The following LYPLA1 variants were observed in gnomAD, a reference collection of about 807,000 sequenced individuals.
The protein encoded by LYPLA1 is lysophospholipase 1, also known as acyl-protein thioesterase 1.
A neutral mutation model predicts 34.0 loss-of-function variants in LYPLA1; 17 were observed. That is an observed-to-expected ratio of 0.50 (90% CI 0.34 to 0.75). The LOEUF (loss-of-function observed/expected upper bound fraction) is 0.75, where lower values mean the gene tolerates loss of function less well. Ranked by LOEUF, LYPLA1 falls within the 30% of genes least tolerant of loss-of-function variation. LYPLA1 has a pLI of 0.01. For missense variants in LYPLA1, 203 were observed against 288.8 expected, an observed-to-expected ratio of 0.70 and a Z score of 2.15; for synonymous variants, 98 against 100.8, an observed-to-expected ratio of 0.97 and a Z score of 0.17.
Position 54,051,168 on chromosome 8 carries a change from A to C in LYPLA1, c.483T>G (p.Asn161Lys). ...GGCACTGGAGAATAGAAATATCTCT[A>C]TTAGCACCACCGATAGGACCCTGCA... is the stretch of plus-strand genomic sequence containing the variant. ...SFPQGPIGGA[N>K]RDISILQCHG... Residue 161 changes from asparagine to lysine, a missense_variant, in exon 8 of 9, where the codon AAT becomes AAG. By Grantham distance (94) the Asn-to-Lys change is moderately conservative. Around this residue, in one of 3 missense-constraint regions of LYPLA1, gnomAD observed 123 missense variants for 199.2 expected, o/e 0.62. Coordinates refer to ENST00000316963, the MANE Select transcript of LYPLA1 (RefSeq NM_006330.4). 1 of 1,613,032 alleles carries C rather than the reference A, an allele frequency of 6.2e-7. No homozygotes were observed. Among genetic ancestry groups the C allele is most frequent in the Non-Finnish European group, 8.5e-7 (1 of 1,179,378 alleles).
chr8:54,089,664 G>A lies in LYPLA1; in HGVS notation c.101+11244C>T, dbSNP rs565107345. Among the ~76,000 whole-genome samples, 20 of 150,436 alleles carry A rather than the reference G, an allele frequency of 1.3e-4. No homozygotes were observed. The South Asian group carries it at 1.5e-3, about 11-fold the overall frequency. On this transcript the variant is annotated intron_variant, in intron 2 of 8. Transcript: ENST00000316963. ...TTTTGAGATAGGGTCTCACTGTTGC[G>A]CAAGCTGGAAGTGCAGTGGCATCAT...
chr8:54,066,820 T>C (rs1219350817), intron 2 of LYPLA1, among the ~76,000 whole-genome samples: 1 of 150,326 alleles, frequency 6.7e-6, no homozygotes, highest in African/African-American at 2.4e-5. Context: ...GAAAAAAGCC[T>C]CAGATAAATA....
At position 54,055,148 on chromosome 8, in the gene LYPLA1, AAAGTTAGTCAGC is replaced by A; in HGVS notation, c.287-27_287-16del. The stretch of plus-strand genomic sequence containing the variant: ...CAAAGCTTTTACTAAAAACAACATG[AAAGTTAGTCAGC>A]AATACTTTCAGAGTTAAGCCCACTG... On this transcript the variant is annotated splice_polypyrimidine_tract_variant and intron_variant, in intron 5 of 8. Coordinates refer to ENST00000316963, the MANE Select transcript of LYPLA1 (RefSeq NM_006330.4). 6.7e-7 allele frequency: 1 copy of A among 1,503,320 alleles called. No individual in the cohort carries two copies. The highest frequency in any genetic ancestry group is 1.1e-5 in the South Asian group (1 of 88,102). 93.1% of individuals were successfully genotyped at this position (1,503,320 alleles called of 1,614,324 possible). A position where few individuals can be genotyped will look rare whatever the true frequency, so the allele number is the denominator to read the frequency against.
intron 2 of LYPLA1, among the ~76,000 whole-genome samples, chr8:54,080,811 C>T (rs1008100691): frequency 1.3e-5 from 2 of 152,220 alleles, no homozygotes; most frequent in Non-Finnish European, 2.9e-5. Flanking sequence ...TGGTCTCAAA[C>T]TCCTGACCTC....
chr8:54,066,295 A>C (rs1191057091), intron 2 of LYPLA1, among the ~76,000 whole-genome samples: 2 of 152,114 alleles, frequency 1.3e-5, no homozygotes, highest in East Asian at 3.9e-4. Flanking sequence ...ATGAATCTAA[A>C]AAGAACCCAG....
rs200874841 is a variant in LYPLA1 at position 54,085,002 on chromosome 8, T to TCCTCTC, written c.101+15900_101+15905dup. Among the ~76,000 whole-genome samples the TCCTCTC allele has an allele frequency of 1.4e-4, 17 of 120,808 alleles. No homozygotes were observed. The South Asian group carries it at 1.9e-3, about 13-fold the overall frequency. The allele number at this position is 120,808 out of a possible 152,430, so 79.3% of individuals were successfully genotyped here. On this transcript the variant is annotated intron_variant, in intron 2 of 8. Coordinates refer to ENST00000316963, the MANE Select transcript of LYPLA1 (RefSeq NM_006330.4). Reference sequence around the variant, plus strand: ...TCCCTCTCCCTCCTCTCCCTCCTCTTCCTCTCCCTCTCCCTCTCCCTCTTT... The same window carrying TCCTCTC: ...TCCCTCTCCCTCCTCTCCCTCCTCTTCCTCTCCCTCTCCCTCTCCCTCTCCCTCTTT...
At chr8:54,084,124 G>GAAAAAAAAAAAAAAAAAAAAAAAA (rs201545035) in intron 2 of LYPLA1, among the ~76,000 whole-genome samples, 1 of 56,390 alleles carries the variant, frequency 1.8e-5, no homozygotes, top group African/African-American at 8.9e-5. Flanking sequence ...GGAGACCAAA[G>GAAAAAAAAAAAAAAAAAAAAAAAA]AAAAAAAAAA....
At position 54,048,124 on chromosome 8, in the gene LYPLA1, T is replaced by C; in HGVS notation, c.640-6A>G. On this transcript the variant is annotated splice_region_variant and splice_polypyrimidine_tract_variant and intron_variant, in intron 8 of 8. Coordinates refer to ENST00000316963, the MANE Select transcript of LYPLA1 (RefSeq NM_006330.4). ...TGCTTGACATCCATCATTTCCTGTT[T>C]GGAATAAAGTAATTTAATAGGTAGG... The C allele has an allele frequency of 2.5e-6, 4 of 1,589,656 alleles. No individual in the cohort carries two copies. Among genetic ancestry groups the C allele is most frequent in the Middle Eastern group, 1.7e-4 (1 of 6,008 alleles).
intron 5 of LYPLA1, among the ~76,000 whole-genome samples, chr8:54,060,516 G>A (rs1586093853): frequency 6.6e-6 from 1 of 152,178 alleles, no homozygotes; most frequent in African/African-American, 2.4e-5. Flanking sequence ...TCATAAAGGA[G>A]ATGGACTCCT....
rs116938829 is a variant in LYPLA1, at chr8:54,071,578, G to A, written c.102-5765C>T. On this transcript the variant is annotated intron_variant, in intron 2 of 8. Transcript: ENST00000316963. ...TGAACCAAGGAAGCTCCATGACAGCGATATGAGATTTTTTTGTACAAAAAG... is the reference window on the plus strand; with the variant it reads ...TGAACCAAGGAAGCTCCATGACAGCAATATGAGATTTTTTTGTACAAAAAG... Among the ~76,000 whole-genome samples the A allele has an allele frequency of 8.4e-4, 128 of 152,246 alleles. 2 individuals are homozygous for A. In the East Asian group the frequency reaches 0.021, roughly 25 times the overall value.
intron 2 of LYPLA1, among the ~76,000 whole-genome samples, chr8:54,081,919 G>A (rs1163350475): frequency 1.3e-5 from 2 of 151,682 alleles, no homozygotes. Context: ...TAGTAGAGAT[G>A]GGGTTTCGCC....
At chr8:54,080,940 T>C (rs532413646) in intron 2 of LYPLA1, among the ~76,000 whole-genome samples, 5 of 152,372 alleles carry the variant, frequency 3.3e-5, no homozygotes, top group South Asian at 4.1e-4. Flanking sequence ...CAATAAAACA[T>C]TGGCTATTTT....
chr8:54,074,730 A>G (rs2129344012), intron 2 of LYPLA1, among the ~76,000 whole-genome samples: 1 of 152,344 alleles, frequency 6.6e-6, no homozygotes, highest in South Asian at 2.1e-4. Flanking sequence ...CTTTTACAGG[A>G]GGAGTTAATC....
In LYPLA1 at chr8:54,101,883, G is replaced by C. The variant is rs969015952; in HGVS notation, c.-60C>G. ...GAGCGGGCGCCCGGCCGCGGCCCAA[G>C]GGCGTGCGAGCGGCGAGTCCCGGCC... On this transcript the variant is annotated 5_prime_UTR_variant, in exon 1 of 9. Coordinates refer to ENST00000316963, the MANE Select transcript of LYPLA1 (RefSeq NM_006330.4). The C allele has an allele frequency of 4.6e-6, 5 of 1,082,260 alleles. No individual in the cohort carries two copies. Among genetic ancestry groups the C allele is most frequent in the South Asian group, 4.5e-5 (1 of 22,310 alleles). 67.0% of individuals were successfully genotyped at this position (1,082,260 alleles called of 1,614,324 possible). A position where few individuals can be genotyped will look rare whatever the true frequency, so the allele number is the denominator to read the frequency against.
At chr8:54,053,623 G>A (rs1393402083) in intron 6 of LYPLA1, 1 of 456,224 alleles carries the variant, frequency 2.2e-6, no homozygotes, top group Admixed American at 2.4e-5. Context: ...CTGGCACTGT[G>A]GAAATGGGAT....
chr8:54,064,881 C>G (rs1284749930), intron 3 of LYPLA1, among the ~76,000 whole-genome samples: 1 of 151,942 alleles, frequency 6.6e-6, no homozygotes, highest in African/African-American at 2.4e-5. Context: ...AAAAAAAAAT[C>G]TCATAATGTT....
At chr8:54,082,337 C>A (rs576468442) in intron 2 of LYPLA1, among the ~76,000 whole-genome samples, 1 of 152,110 alleles carries the variant, frequency 6.6e-6, no homozygotes, top group South Asian at 2.1e-4. Context: ...TTCCTTATTA[C>A]AATTAGGGGA....
chr8:54,091,450 G>A (rs1325034432), intron 2 of LYPLA1, among the ~76,000 whole-genome samples: 1 of 151,272 alleles, frequency 6.6e-6, no homozygotes, highest in Non-Finnish European at 1.5e-5. Flanking sequence ...TCACGCCACT[G>A]CACTCTAGCC....
chr8:54,056,669 C>G (rs1017817589), intron 5 of LYPLA1, among the ~76,000 whole-genome samples: 25 of 152,148 alleles, frequency 1.6e-4, no homozygotes, highest in African/African-American at 4.6e-4. Flanking sequence ...AATCCCAGCA[C>G]TTTGGGAGAC....
Sources: allele counts gnomAD v4.1 joint callset (sites outside exome capture counted in the v4.1 genomes callset), GRCh38; gene constraint gnomAD v4.1.1; regional missense constraint gnomAD v4.1.1; transcripts MANE v1.5; gene names NCBI Gene and HGNC (gene_info 2026-07-23, HGNC 2026-07-21).